CAMK1D: variants seen among roughly 807,000 people sequenced by gnomAD.
CAMK1D encodes the protein calcium/calmodulin dependent protein kinase ID.
Under a neutral mutation model 47.7 loss-of-function variants are expected in CAMK1D, and 9 were observed. That is an observed-to-expected ratio of 0.19 (90% CI 0.11 to 0.33). The LOEUF is 0.33. CAMK1D is among the 10% of genes least tolerant of loss of function. The pLI, the probability that CAMK1D is intolerant of heterozygous loss-of-function variation, is 1.00. For missense variants in CAMK1D, 291 were observed against 488.7 expected (o/e 0.60, Z 3.81); for synonymous variants, 184 against 184.9 (o/e 0.99, Z 0.04).
intron 2 of CAMK1D, among the ~76,000 whole-genome samples, chr10:12,650,883 C>A (rs976316239): frequency 6.6e-6 from 1 of 152,152 alleles, no homozygotes; most frequent in African/African-American, 2.4e-5. Flanking sequence ...GGGAAAAAAA[C>A]CCATCAGGGG....
chr10:12,711,971 C>T (rs962992173), intron 3 of CAMK1D, among the ~76,000 whole-genome samples: 11 of 152,184 alleles, frequency 7.2e-5, no homozygotes, highest in Non-Finnish European at 1.2e-4. Context: ...TCTGTGTGCC[C>T]TACCAACAGA....
intron 1 of CAMK1D, among the ~76,000 whole-genome samples, chr10:12,483,035 T>C (rs949948664): frequency 4.6e-5 from 7 of 152,078 alleles, no homozygotes; most frequent in Admixed American, 2.6e-4. Flanking sequence ...CATTTCTAGA[T>C]CCCTGTTCCC....
At chr10:12,568,300 C>T (rs1318185731) in intron 2 of CAMK1D, among the ~76,000 whole-genome samples, 2 of 21,138 alleles carry the variant, frequency 9.5e-5, no homozygotes, top group African/African-American at 4.7e-4. Context: ...TCCCCCACCC[C>T]TCCCCCTCCC....
At chr10:12,811,689 C>T (rs1044454702) in intron 6 of CAMK1D, among the ~76,000 whole-genome samples, 8 of 152,156 alleles carry the variant, frequency 5.3e-5, no homozygotes, top group African/African-American at 1.9e-4. Context: ...GAATTTTTTC[C>T]TTGCAAAGAA....
At position 12,665,452 on chromosome 10, in the gene CAMK1D, A is replaced by G. The variant is rs45476894; in HGVS notation, c.225-1284A>G. Among the ~76,000 whole-genome samples, 959 of 152,352 alleles carry G rather than the reference A, an allele frequency of 6.3e-3. 5 individuals carry two copies. Among genetic ancestry groups the G allele is most frequent in the Non-Finnish European group, 9.2e-3 (624 of 68,026 alleles). On this transcript the variant is annotated intron_variant, in intron 2 of 10. Coordinates refer to ENST00000619168, the MANE Select transcript of CAMK1D (RefSeq NM_153498.4). ...CGGCAACAGCCTTTCAATATCATTC[A>G]TTCATTCAGCAAGCATTTATTCAGC...
intron 1 of CAMK1D, among the ~76,000 whole-genome samples, chr10:12,483,123 A>G (rs898220434): frequency 1.3e-5 from 2 of 152,114 alleles, no homozygotes; most frequent in East Asian, 3.9e-4. Flanking sequence ...ACCTGGGTGT[A>G]GCCCCTATAT....
At chr10:12,561,998 AGTGCACCTGGT>A (rs1337746894) in intron 2 of CAMK1D, among the ~76,000 whole-genome samples, 1 of 152,150 alleles carries the variant, frequency 6.6e-6, no homozygotes, top group Non-Finnish European at 1.5e-5. Flanking sequence ...CTTCCCAAAT[AGTGCACCTGGT>A]GTGGTTCTTG....
intron 2 of CAMK1D, among the ~76,000 whole-genome samples, chr10:12,589,387 A>G (rs1419688016): frequency 6.6e-6 from 1 of 152,212 alleles, no homozygotes; most frequent in African/African-American, 2.4e-5. Context: ...GGTGTCTAAA[A>G]GAGGCTGACC....
chr10:12,824,593 C>T lies in CAMK1D; in HGVS notation c.921+41C>T, dbSNP rs764275569. 14 of 1,449,834 alleles carry T rather than the reference C, an allele frequency of 9.7e-6. No homozygotes were observed. In the African/African-American group the frequency reaches 9.8e-5, roughly 10 times the overall value. The allele number at this position is 1,449,834 out of a possible 1,614,324, so 89.8% of individuals were successfully genotyped here. ...ATGAAATTCCCCGTGGATTAACCCC[C>T]TCGTGACACTGGCCCTCCAATCTGA... On this transcript the variant is annotated intron_variant, in intron 9 of 10. Coordinates refer to ENST00000619168, the MANE Select transcript of CAMK1D (RefSeq NM_153498.4).
chr10:12,635,787 T>TG (rs1839497752), intron 2 of CAMK1D, among the ~76,000 whole-genome samples: 2 of 151,830 alleles, frequency 1.3e-5, no homozygotes, highest in Non-Finnish European at 2.9e-5. Flanking sequence ...CCTTCCCTTC[T>TG]AAAAAAAATG....
chr10:12,563,459 T>A (rs943300739), intron 2 of CAMK1D, among the ~76,000 whole-genome samples: 1 of 152,232 alleles, frequency 6.6e-6, no homozygotes, highest in African/African-American at 2.4e-5. Context: ...GAGGATAATC[T>A]TTTTACTCAG....
At chr10:12,445,156 C>T (rs1197785494) in intron 1 of CAMK1D, among the ~76,000 whole-genome samples, 6 of 152,176 alleles carry the variant, frequency 3.9e-5, no homozygotes, top group Admixed American at 2.0e-4. Flanking sequence ...AATGTTAATG[C>T]ATGCCGGCCA....
At chr10:12,651,057 T>C (rs1484953007) in intron 2 of CAMK1D, among the ~76,000 whole-genome samples, 3 of 152,170 alleles carry the variant, frequency 2.0e-5, no homozygotes, top group Non-Finnish European at 2.9e-5. Flanking sequence ...TTGCCGGCTT[T>C]TTACGATTTA....
At chr10:12,533,660 C>T (rs753016616) in intron 1 of CAMK1D, among the ~76,000 whole-genome samples, 2 of 152,120 alleles carry the variant, frequency 1.3e-5, no homozygotes, top group Non-Finnish European at 2.9e-5. Flanking sequence ...CTCCAGTCTA[C>T]CCAGGTCACT....
chr10:12,726,197 G>A (rs910979015), intron 3 of CAMK1D, among the ~76,000 whole-genome samples: 5 of 151,978 alleles, frequency 3.3e-5, no homozygotes, highest in South Asian at 2.1e-4. Context: ...AGGCCTAGGC[G>A]GGTGGATCAC....
At chr10:12,502,401 T>G (rs1253996119) in intron 1 of CAMK1D, among the ~76,000 whole-genome samples, 1 of 151,916 alleles carries the variant, frequency 6.6e-6, no homozygotes. Context: ...GAAAATCAGG[T>G]GTAGGGCGAT....
chr10:12,438,442 A>T (rs1162269396), intron 1 of CAMK1D, among the ~76,000 whole-genome samples: 1 of 152,188 alleles, frequency 6.6e-6, no homozygotes, highest in Non-Finnish European at 1.5e-5. Context: ...CATGACATTC[A>T]TTCAGTTTCT....
chr10:12,595,342 GAA>G (rs535214333), intron 2 of CAMK1D, among the ~76,000 whole-genome samples: 6 of 23,554 alleles, frequency 2.5e-4, no homozygotes, highest in Non-Finnish European at 3.5e-4. Flanking sequence ...AACTCCATCT[GAA>G]AAAAAAAAAA....
In CAMK1D at chr10:12,564,147, G is replaced by GTCTCTC. The variant is rs56063700; in HGVS notation, c.224+10820_224+10825dup. Among the ~76,000 whole-genome samples, 422 of 139,664 alleles carry GTCTCTC rather than the reference G, an allele frequency of 3.0e-3. 1 individual carries two copies. The highest frequency in any genetic ancestry group is 0.011 in the African/African-American group (398 of 36,486). 91.6% of individuals were successfully genotyped at this position (139,664 alleles called of 152,430 possible). On this transcript the variant is annotated intron_variant, in intron 2 of 10. Coordinates refer to ENST00000619168, the MANE Select transcript of CAMK1D (RefSeq NM_153498.4). The stretch of plus-strand genomic sequence containing the variant: ...TCTCTCTCTCTCTCTCTCTCTCTCT[G>GTCTCTC]TCTCTCTCTCTCTCTCTCTCTCTCT...
Sources: allele counts gnomAD v4.1 joint callset (sites outside exome capture counted in the v4.1 genomes callset), GRCh38; gene constraint gnomAD v4.1.1; transcripts MANE v1.5; gene names NCBI Gene and HGNC (gene_info 2026-07-23, HGNC 2026-07-21).